CMSS1: variants seen among roughly 807,000 people sequenced by gnomAD.
CMSS1 encodes the protein cms1 ribosomal small subunit homolog, also known as protein CMSS1.
In CMSS1, 33 loss-of-function variants were observed where a neutral mutation model predicts 43.5. The ratio of observed to expected loss-of-function variants is 0.76; its 90% CI spans 0.57 to 1.01. CMSS1 has a LOEUF of 1.01. CMSS1 is among the 50% of genes least tolerant of loss of function. The pLI, the probability that CMSS1 is intolerant of heterozygous loss-of-function variation, is 0.00. For missense variants in CMSS1, 313 were observed against 326.4 expected, an observed-to-expected ratio of 0.96 and a Z score of 0.32; for synonymous variants, 115 against 117.2, an observed-to-expected ratio of 0.98 and a Z score of 0.12.
At chr3:100,016,606 C>G (rs1050227100) in intron 1 of CMSS1, among the ~76,000 whole-genome samples, 2 of 152,212 alleles carry the variant, frequency 1.3e-5, no homozygotes, top group African/African-American at 4.8e-5. Flanking sequence ...GACCTTGAAA[C>G]TAAAATACTT....
intron 1 of CMSS1, among the ~76,000 whole-genome samples, chr3:99,879,389 G>T (rs1705645599): frequency 6.6e-6 from 1 of 152,202 alleles, no homozygotes; most frequent in Non-Finnish European, 1.5e-5. Flanking sequence ...TGTTATTAGT[G>T]AAGTCAGTTG....
At chr3:100,051,436 A>G (rs2065370864) in intron 1 of CMSS1, 2 of 151,768 alleles carry the variant, frequency 1.3e-5, no homozygotes, top group South Asian at 4.2e-4. Flanking sequence ...TACATGTGCC[A>G]TGTTGGTGTG....
intron 1 of CMSS1, among the ~76,000 whole-genome samples, chr3:100,098,827 A>G (rs1038000646): frequency 5.3e-5 from 8 of 152,234 alleles, no homozygotes; most frequent in South Asian, 2.1e-4. Flanking sequence ...TAGGGATCTC[A>G]AATGGCTTCC....
intron 6 of CMSS1, among the ~76,000 whole-genome samples, chr3:100,169,539 G>T (rs1468488654): frequency 6.6e-6 from 1 of 152,228 alleles, no homozygotes; most frequent in African/African-American, 2.4e-5. Context: ...ATCTAATCAT[G>T]AATTTAGAAA....
intron 1 of CMSS1, among the ~76,000 whole-genome samples, chr3:100,080,907 A>G (rs774354643): frequency 2.6e-5 from 4 of 152,184 alleles, no homozygotes; most frequent in Non-Finnish European, 5.9e-5. Context: ...AAACCAGCCC[A>G]TGGTTCTGTC....
intron 1 of CMSS1, among the ~76,000 whole-genome samples, chr3:100,095,324 A>G (rs1416277272): frequency 6.6e-6 from 1 of 152,206 alleles, no homozygotes; most frequent in Non-Finnish European, 1.5e-5. Flanking sequence ...TTAGGGATAA[A>G]TCGACGTGTT....
chr3:99,998,101 G>A (rs767577126), intron 1 of CMSS1, among the ~76,000 whole-genome samples: 70 of 152,162 alleles, frequency 4.6e-4, no homozygotes, highest in Non-Finnish European at 7.8e-4. Context: ...TAACTGGTGC[G>A]GAAATTCAGA....
chr3:100,162,448 A>G lies in CMSS1; in HGVS notation c.355+16A>G, dbSNP rs1483589318. On this transcript the variant is annotated intron_variant, in intron 4 of 9. Coordinates refer to ENST00000421999, the MANE Select transcript of CMSS1 (RefSeq NM_032359.4). ...AACCTGCCAGGTATAGCCAAGCTTCAATTTTCCTAAAGACAAGGAGCAAAA... is the reference window on the plus strand; with the variant it reads ...AACCTGCCAGGTATAGCCAAGCTTCGATTTTCCTAAAGACAAGGAGCAAAA... The G allele has an allele frequency of 6.2e-7, 1 of 1,602,980 alleles. No individual in the cohort carries two copies. The highest frequency in any genetic ancestry group is 1.7e-5 in the Admixed American group (1 of 58,180).
intron 1 of CMSS1, among the ~76,000 whole-genome samples, chr3:99,909,395 T>C (rs1284173197): frequency 1.3e-5 from 2 of 152,100 alleles, no homozygotes; most frequent in African/African-American, 4.8e-5. Flanking sequence ...GTGGAAGCCT[T>C]GGGTCAGGTG....
At chr3:100,132,711 CAG>C (rs1004698788) in intron 1 of CMSS1, among the ~76,000 whole-genome samples, 1 of 147,704 alleles carries the variant, frequency 6.8e-6, no homozygotes, top group Admixed American at 7.0e-5. Flanking sequence ...CCCAGCTACT[CAG>C]GAGGCTGAGG....
At chr3:100,010,194 A>T (rs1315978056) in intron 1 of CMSS1, 2 of 893,470 alleles carry the variant, frequency 2.2e-6, no homozygotes, top group South Asian at 5.2e-5. Flanking sequence ...AAGTATTGCT[A>T]TTTTTATCAA....
chr3:100,114,246 G>A lies in CMSS1; in HGVS notation c.65-32727G>A, dbSNP rs990178598. The A allele has an allele frequency of 3.3e-5, 5 of 151,142 alleles. 1 individual carries two copies. The South Asian group carries it at 8.4e-4, about 25-fold the overall frequency. 9.4% of individuals were successfully genotyped at this position (151,142 alleles called of 1,614,324 possible). ...CAGGGGCCAGTGATAGCTCTGCAAA[G>A]GAGAGGCAGTGGGGAGCCCAACAAC... On this transcript the variant is annotated intron_variant, in intron 1 of 9. Transcript: ENST00000421999.
intron 1 of CMSS1, among the ~76,000 whole-genome samples, chr3:100,088,140 A>AT (rs1310809637): frequency 6.6e-6 from 1 of 152,014 alleles, no homozygotes; most frequent in Non-Finnish European, 1.5e-5. Flanking sequence ...TCTAACTATA[A>AT]TTTTTTTAAA....
At chr3:99,975,233 T>C (rs1708934723) in intron 1 of CMSS1, among the ~76,000 whole-genome samples, 1 of 152,222 alleles carries the variant, frequency 6.6e-6, no homozygotes, top group Non-Finnish European at 1.5e-5. Context: ...CCTTCATTCA[T>C]GCATCCATTC....
At chr3:99,848,363 TG>T (rs866526364) in intron 1 of CMSS1, 1 of 1,614,064 alleles carries the variant, frequency 6.2e-7, no homozygotes, top group African/African-American at 1.3e-5. Context: ...GTGACTTTAT[TG>T]GTTGTTTTGT....
In CMSS1 at chr3:100,142,016, T is replaced by A. The variant is rs560387909; in HGVS notation, c.65-4957T>A. Among the ~76,000 whole-genome samples, 4 of 152,338 alleles carry A rather than the reference T, an allele frequency of 2.6e-5. No homozygotes were observed. The East Asian group carries it at 7.7e-4, about 29-fold the overall frequency. On this transcript the variant is annotated intron_variant, in intron 1 of 9. Coordinates refer to ENST00000421999, the MANE Select transcript of CMSS1 (RefSeq NM_032359.4). ...GCATCCTTACTTCAGAAAAGCAGTTTCTTCTTTTGGAATCAAAAAACATCA... is the reference window on the plus strand; with the variant it reads ...GCATCCTTACTTCAGAAAAGCAGTTACTTCTTTTGGAATCAAAAAACATCA...
intron 1 of CMSS1, chr3:99,930,821 A>G (rs1157127399): frequency 1.2e-6 from 2 of 1,612,368 alleles, no homozygotes; most frequent in East Asian, 4.5e-5. Flanking sequence ...ATCTCTTGAG[A>G]GGTCTTCTGC....
At chr3:100,068,350 CTGTGTGTGTG>C (rs62958661) in intron 1 of CMSS1, among the ~76,000 whole-genome samples, 57 of 149,512 alleles carry the variant, frequency 3.8e-4, no homozygotes, top group African/African-American at 1.1e-3. Flanking sequence ...GAAAGAGCCT[CTGTGTGTGTG>C]TGTGTGTGTG....
At chr3:99,849,449 G>A in intron 1 of CMSS1, 3 of 1,614,052 alleles carry the variant, frequency 1.9e-6, no homozygotes, top group Non-Finnish European at 2.5e-6. Context: ...AGGACTGAGT[G>A]ATCTCCCTGG....
Sources: allele counts gnomAD v4.1 joint callset (sites outside exome capture counted in the v4.1 genomes callset), GRCh38; gene constraint gnomAD v4.1.1; transcripts MANE v1.5; gene names NCBI Gene and HGNC (gene_info 2026-07-23, HGNC 2026-07-21).